The following ANKS6 variants were observed in gnomAD, a reference collection of about 807,000 sequenced individuals.
ANKS6 encodes the protein ankyrin repeat and sterile alpha motif domain containing 6, also known as ankyrin repeat and SAM domain-containing protein 6.
A neutral mutation model predicts 77.9 loss-of-function variants in ANKS6; 47 were observed. The ratio of observed to expected loss-of-function variants is 0.60; its 90% confidence interval spans 0.48 to 0.77. ANKS6 has a LOEUF of 0.77. ANKS6 is among the 30% of genes least tolerant of loss of function. The pLI is 0.00. For missense variants in ANKS6, 1,150 were observed against 1,159.1 expected, an observed-to-expected ratio of 0.99 and a Z score of 0.11; for synonymous variants, 488 against 501.7, an observed-to-expected ratio of 0.97 and a Z score of 0.37.
intron 12 of ANKS6, 133 bp downstream of exon 12, chr9:98,756,287 A>G (rs189920403): frequency 1.2e-4 from 113 of 923,880 alleles, no homozygotes; most frequent in Middle Eastern, 6.8e-4. Flanking sequence ...AAGAGGAGGG[A>G]CATGTTTGTC....
chr9:98,791,501 C>G lies in ANKS6; in HGVS notation c.360-895G>C, dbSNP rs1834902543. Among the ~76,000 whole-genome samples, 1 of 152,188 alleles carries G rather than the reference C, an allele frequency of 6.6e-6. No individual in the cohort carries two copies. Among genetic ancestry groups the G allele is most frequent in the Non-Finnish European group, 1.5e-5 (1 of 68,032 alleles). On this transcript the variant is annotated intron_variant, in intron 1 of 14. Coordinates refer to ENST00000353234, the MANE Select transcript of ANKS6 (RefSeq NM_173551.5). The surrounding 1 kb of genome is among the most constrained non-coding windows in gnomAD (Gnocchi z 4.3). ...CAGGTACCTCTTCCCAGCAAAATCT[C>G]TTCCTTCTTTTAACACCAGAGGGCA...
intron 12 of ANKS6, 144 bp downstream of exon 12, chr9:98,756,273 AGAG>A (rs1009302506): frequency 2.3e-6 from 2 of 851,072 alleles, no homozygotes; most frequent in African/African-American, 1.8e-5. Flanking sequence ...AGGTACAATC[AGAG>A]AAGAGGAGGG....
Position 98,736,491 on chromosome 9 carries a change from C to T in ANKS6, c.*28G>A. 6.3e-7 allele frequency: 1 copy of T among 1,587,334 alleles called. No individual in the cohort carries two copies. The highest frequency in any genetic ancestry group is 1.3e-5 in the African/African-American group (1 of 74,554). ...TGAAGGGGTCCCGGGATTCAGAGAG[C>T]TCACGCTGGTGGCTGCGGGAAGGAG... is the stretch of plus-strand genomic sequence containing the variant. On this transcript the variant is annotated 3_prime_UTR_variant, in exon 15 of 15. Coordinates refer to ENST00000353234, the MANE Select transcript of ANKS6 (RefSeq NM_173551.5).
chr9:98,739,498 C>T (rs1488729080), intron 14 of ANKS6, among the ~76,000 whole-genome samples: 1 of 152,070 alleles, frequency 6.6e-6, no homozygotes, highest in Non-Finnish European at 1.5e-5. Context: ...GAGCAAGATA[C>T]TTAATCTCCC....
At chr9:98,784,576 T>C (rs550216512) in intron 3 of ANKS6, 11 of 485,550 alleles carry the variant, frequency 2.3e-5, no homozygotes, top group African/African-American at 9.6e-5. Flanking sequence ...CAGAGAGGCA[T>C]TTCAGATGCA....
chr9:98,794,471 T>C (rs975393409), intron 1 of ANKS6, among the ~76,000 whole-genome samples: 1 of 152,212 alleles, frequency 6.6e-6, no homozygotes, highest in Non-Finnish European at 1.5e-5. Flanking sequence ...CCATATATAC[T>C]ACTCCTCAAC....
At chr9:98,749,686 G>A (rs914910863) in intron 13 of ANKS6, among the ~76,000 whole-genome samples, 1 of 152,190 alleles carries the variant, frequency 6.6e-6, no homozygotes, top group Non-Finnish European at 1.5e-5. Flanking sequence ...TCAGCAATAC[G>A]GAAAGATTTC....
At position 98,769,873 on chromosome 9, in the gene ANKS6, T is replaced by C. The variant is rs141811913; in HGVS notation, c.1972+1023A>G. Among the ~76,000 whole-genome samples, 41 of 152,370 alleles carry C rather than the reference T, an allele frequency of 2.7e-4. 1 individual carries two copies. Among genetic ancestry groups the C allele is most frequent in the East Asian group, 1.7e-3 (9 of 5,188 alleles). On this transcript the variant is annotated intron_variant, in intron 10 of 14. Coordinates refer to ENST00000353234, the MANE Select transcript of ANKS6 (RefSeq NM_173551.5). ...ATATTAAGTGCTCCATAAATTATTG[T>C]GCCTTTTTATAAATATTCATAATCT...
intron 3 of ANKS6, chr9:98,784,442 AG>A (rs1834455676): frequency 3.5e-6 from 1 of 288,390 alleles, no homozygotes; most frequent in Admixed American, 8.0e-5. Flanking sequence ...AGAAGACAGA[AG>A]GAGAGTTCAG....
chr9:98,765,942 G>A (rs927833490), intron 11 of ANKS6, among the ~76,000 whole-genome samples: 1 of 152,180 alleles, frequency 6.6e-6, no homozygotes, highest in African/African-American at 2.4e-5. Context: ...TTGCTGCTGG[G>A]ATAGAAAGCC....
intron 13 of ANKS6, among the ~76,000 whole-genome samples, chr9:98,750,692 A>T (rs1179183564): frequency 6.6e-6 from 1 of 152,206 alleles, no homozygotes; most frequent in Non-Finnish European, 1.5e-5. Flanking sequence ...CCAGACACAT[A>T]ACACAGGTTC....
At chr9:98,736,913 C>G (rs560507854) in intron 14 of ANKS6, among the ~76,000 whole-genome samples, 61 of 152,304 alleles carry the variant, frequency 4.0e-4, no homozygotes, top group Non-Finnish European at 7.2e-4. Flanking sequence ...ACTGACTTCT[C>G]CCGAGTCGCA....
chr9:98,768,362 TC>T, intron 10 of ANKS6, 112 bp from the exon 11 acceptor site: 1 of 1,328,154 alleles, frequency 7.5e-7, no homozygotes, highest in Non-Finnish European at 1.0e-6. Flanking sequence ...CAGACTCCCT[TC>T]CCCATGTGGC....
In ANKS6 at chr9:98,782,531, A is replaced by G. The variant is rs549472791; in HGVS notation, c.1155T>C (p.Asp385=). 1.1e-5 allele frequency: 18 copies of G among 1,614,192 alleles called. No homozygotes were observed. In the East Asian group the frequency reaches 3.8e-4, roughly 34 times the overall value. ...ATCCATTTTTTGCACGAAGAGTGACATCGGCCCCTTGGTTTAGCAGATATT... is the reference window on the plus strand; with the variant it reads ...ATCCATTTTTTGCACGAAGAGTGACGTCGGCCCCTTGGTTTAGCAGATATT... ...IVKYLLNQGA[D]VTLRAKNGYT... Residue 385 remains aspartate, a synonymous_variant, in exon 5 of 15, where the codon GAT becomes GAC. Coordinates refer to ENST00000353234, the MANE Select transcript of ANKS6 (RefSeq NM_173551.5).
At chr9:98,784,947 A>C in intron 2 of ANKS6, 71 bp from the exon 3 acceptor site, 9 of 1,374,634 alleles carry the variant, frequency 6.5e-6, no homozygotes, top group Non-Finnish European at 9.2e-6. Context: ...CAAGGGTGTA[A>C]CAACACAGCC....
chr9:98,735,196 T>C lies in ANKS6; in HGVS notation c.*1323A>G, dbSNP rs1405775076. ...GTTCTAAGCTCCAACTAAGAGGCCA[T>C]TGAGCTTCATCTGAACTTTGAACCT... On this transcript the variant is annotated 3_prime_UTR_variant, in exon 15 of 15. Transcript: ENST00000353234. 34 of 985,644 alleles carry C rather than the reference T, an allele frequency of 3.4e-5. No individual in the cohort carries two copies. The Admixed American group carries it at 1.5e-3, about 43-fold the overall frequency. The allele number at this position is 985,644 out of a possible 1,614,324, so 61.1% of individuals were successfully genotyped here. A position where few individuals can be genotyped will look rare whatever the true frequency, so the allele number is the denominator to read the frequency against.
At chr9:98,766,773 T>C (rs1318873769) in intron 11 of ANKS6, among the ~76,000 whole-genome samples, 4 of 152,184 alleles carry the variant, frequency 2.6e-5, no homozygotes, top group Admixed American at 2.6e-4. Context: ...AATGACTATT[T>C]CTCATACAGT....
intron 12 of ANKS6, among the ~76,000 whole-genome samples, chr9:98,754,042 C>T (rs1422781004): frequency 1.3e-5 from 2 of 152,148 alleles, no homozygotes; most frequent in African/African-American, 2.4e-5. Flanking sequence ...GGGGAGCCTA[C>T]CATGGCACAT....
rs766629269 is a variant in ANKS6, at chr9:98,784,047, C to T, written c.1018G>A (p.Ala340Thr). ...LMLAAVTGQL[A>T]LVQLLVERHA... ...CTCTCCACCAGCAGCTGCACCAGAG[C>T]CAGCTGCCCCGTAACAGCTGCTAGC... The change falls in exon 4 of 15, where the codon GCT becomes ACT. Residue 340 changes from alanine (A) to threonine (T), a missense_variant. Transcript: ENST00000353234. The T allele has an allele frequency of 2.5e-6, 4 of 1,611,228 alleles. No individual in the cohort carries two copies. Among genetic ancestry groups the T allele is most frequent in the Non-Finnish European group, 3.4e-6 (4 of 1,179,066 alleles).
Sources: allele counts gnomAD v4.1 joint callset (sites outside exome capture counted in the v4.1 genomes callset), GRCh38; gene constraint gnomAD v4.1.1; non-coding constraint Gnocchi (gnomAD v3.1); transcripts MANE v1.5; gene names NCBI Gene and HGNC (gene_info 2026-07-23, HGNC 2026-07-21).